LRRC4C: variants seen among roughly 807,000 people sequenced by gnomAD.
The protein encoded by LRRC4C is leucine rich repeat containing 4C.
Under a neutral mutation model 33.6 loss-of-function variants are expected in LRRC4C, and 5 were observed. The ratio of observed to expected loss-of-function variants is 0.15; its 90% confidence interval spans 0.08 to 0.31. The LOEUF (loss-of-function observed/expected upper bound fraction) is 0.31, where lower values mean the gene tolerates loss of function less well. Ranked by LOEUF, LRRC4C falls within the 10% of genes least tolerant of loss-of-function variation. The probability of loss-of-function intolerance (pLI) is 1.00; values close to 1 mark genes in which losing one functional copy is unlikely to be tolerated. For synonymous variants in LRRC4C, 329 were observed against 302.0 expected (o/e 1.09, Z -0.93); for missense variants, 560 against 796.7 (o/e 0.70, Z 3.58).
chr11:41,093,278 C>T (rs1940561697), intron 1 of LRRC4C, among the ~76,000 whole-genome samples: 1 of 152,224 alleles, frequency 6.6e-6, no homozygotes, highest in African/African-American at 2.4e-5. Context: ...AATACTTACA[C>T]TGATTGTTCA....
intron 1 of LRRC4C, among the ~76,000 whole-genome samples, chr11:41,220,843 C>A (rs1171478847): frequency 6.6e-6 from 1 of 152,050 alleles, no homozygotes; most frequent in Admixed American, 6.5e-5. Flanking sequence ...CTACTTTGTT[C>A]TAGGCCAGTG....
At chr11:41,034,527 T>C (rs1277426723) in intron 1 of LRRC4C, among the ~76,000 whole-genome samples, 1 of 145,708 alleles carries the variant, frequency 6.9e-6, no homozygotes, top group Non-Finnish European at 1.5e-5. Flanking sequence ...TATATATATA[T>C]TTATATATAT....
At chr11:40,844,423 T>A (rs1313355105) in intron 2 of LRRC4C, among the ~76,000 whole-genome samples, 1 of 152,126 alleles carries the variant, frequency 6.6e-6, no homozygotes, top group Non-Finnish European at 1.5e-5. Context: ...TAGGTATTTT[T>A]CCACATTCTT....
chr11:40,878,503 C>T (rs534640555), intron 2 of LRRC4C, among the ~76,000 whole-genome samples: 1 of 152,308 alleles, frequency 6.6e-6, no homozygotes, highest in South Asian at 2.1e-4. Context: ...GTGCAATTCA[C>T]AATACGGTTA....
intron 4 of LRRC4C, among the ~76,000 whole-genome samples, chr11:40,288,911 T>C (rs1191734730): frequency 6.6e-6 from 1 of 152,184 alleles, no homozygotes; most frequent in Non-Finnish European, 1.5e-5. Flanking sequence ...ACACTTAAAA[T>C]ACCAGAAATC....
chr11:40,317,719 ATGGTTTT>A (rs1416604342), intron 4 of LRRC4C, among the ~76,000 whole-genome samples: 3 of 152,068 alleles, frequency 2.0e-5, no homozygotes, highest in African/African-American at 7.2e-5. Context: ...TAGTTCACAT[ATGGTTTT>A]TGCCACTCAT....
At chr11:41,351,166 G>T (rs995726299) in intron 1 of LRRC4C, among the ~76,000 whole-genome samples, 1 of 152,010 alleles carries the variant, frequency 6.6e-6, no homozygotes, top group Non-Finnish European at 1.5e-5. Flanking sequence ...CTGAGAGATT[G>T]AGTCTTCAGT....
chr11:40,275,456 A>C (rs879752598), intron 4 of LRRC4C, among the ~76,000 whole-genome samples: 35 of 152,270 alleles, frequency 2.3e-4, no homozygotes, highest in Admixed American at 6.5e-4. Flanking sequence ...ACTACAGAAC[A>C]TAAAAGCAGG....
At chr11:40,529,271 C>G (rs952576677) in intron 3 of LRRC4C, among the ~76,000 whole-genome samples, 1 of 151,954 alleles carries the variant, frequency 6.6e-6, no homozygotes, top group African/African-American at 2.4e-5. Context: ...TACGTCCAAA[C>G]TCATCAAGTT....
chr11:40,701,263 T>C (rs1160032216), intron 2 of LRRC4C, among the ~76,000 whole-genome samples: 1 of 152,116 alleles, frequency 6.6e-6, no homozygotes, highest in East Asian at 1.9e-4. Context: ...ACCACAGTAT[T>C]ATATTAAAGT....
chr11:40,169,287 A>C (rs1859849574), intron 5 of LRRC4C, among the ~76,000 whole-genome samples: 1 of 152,188 alleles, frequency 6.6e-6, no homozygotes, highest in African/African-American at 2.4e-5. Context: ...TATAGAAAAT[A>C]ATTTCAACAT....
intron 1 of LRRC4C, among the ~76,000 whole-genome samples, chr11:41,304,834 C>T (rs1565565511): frequency 2.9e-5 from 3 of 103,322 alleles, no homozygotes; most frequent in African/African-American, 8.3e-5. Context: ...GTCAGCCCCC[C>T]GCCCGGCCAG....
In LRRC4C at chr11:41,238,993, G is replaced by A. The variant is rs186910047; in HGVS notation, c.-496+220438C>T. Among the ~76,000 whole-genome samples the A allele has an allele frequency of 2.2e-4, 34 of 151,878 alleles. No homozygotes were observed. In the East Asian group the frequency reaches 5.6e-3, roughly 25 times the overall value. On this transcript the variant is annotated intron_variant, in intron 1 of 6. Transcript: ENST00000528697. ...CCACGTATTTCTATTCTGATAGAAA[G>A]TCCTAGGAAAGGATTCTTTGTTAAA...
At chr11:40,514,475 G>A (rs1266254958) in intron 3 of LRRC4C, among the ~76,000 whole-genome samples, 3 of 151,878 alleles carry the variant, frequency 2.0e-5, no homozygotes, top group African/African-American at 4.8e-5. Flanking sequence ...ATTTTCTGGT[G>A]TTTTTATGAG....
chr11:41,414,065 T>C (rs1165419887), intron 1 of LRRC4C, among the ~76,000 whole-genome samples: 1 of 152,152 alleles, frequency 6.6e-6, no homozygotes, highest in Non-Finnish European at 1.5e-5. Flanking sequence ...AAGTGCTCAT[T>C]TTCTCTGACT....
chr11:40,699,701 T>C (rs1015674157), intron 2 of LRRC4C, among the ~76,000 whole-genome samples: 1 of 152,146 alleles, frequency 6.6e-6, no homozygotes, highest in African/African-American at 2.4e-5. Flanking sequence ...CACACACACA[T>C]ATAATTTCTA....
intron 2 of LRRC4C, among the ~76,000 whole-genome samples, chr11:40,766,660 G>A (rs1445477950): frequency 6.6e-6 from 1 of 152,006 alleles, no homozygotes; most frequent in Non-Finnish European, 1.5e-5. Context: ...TTTGACACAT[G>A]TATTATTTTG....
chr11:40,485,908 C>T (rs1318183482), intron 3 of LRRC4C, among the ~76,000 whole-genome samples: 1 of 151,922 alleles, frequency 6.6e-6, no homozygotes, highest in East Asian at 1.9e-4. Flanking sequence ...AAACCAAATA[C>T]TGCATGTTCT....
At chr11:40,837,266 G>T (rs1345434256) in intron 2 of LRRC4C, among the ~76,000 whole-genome samples, 1 of 151,904 alleles carries the variant, frequency 6.6e-6, no homozygotes, top group East Asian at 1.9e-4. Context: ...AAATCTTAAT[G>T]CTATAGTTAC....
Sources: allele counts gnomAD v4.1 joint callset (sites outside exome capture counted in the v4.1 genomes callset), GRCh38; gene constraint gnomAD v4.1.1; transcripts MANE v1.5; gene names NCBI Gene and HGNC (gene_info 2026-07-23, HGNC 2026-07-21).